CEP164: variants seen among roughly 807,000 people sequenced by gnomAD.
The protein encoded by CEP164 is centrosomal protein 164.
A neutral mutation model predicts 182.7 loss-of-function variants in CEP164; 162 were observed. The observed-to-expected ratio is 0.89, with a 90% CI of 0.78 to 1.01. The LOEUF (loss-of-function observed/expected upper bound fraction) is 1.01, where lower values mean the gene tolerates loss of function less well. Ranked by LOEUF, CEP164 falls within the 50% of genes least tolerant of loss-of-function variation. The pLI is 0.00. For synonymous variants in CEP164, 661 were observed against 690.0 expected, an observed-to-expected ratio of 0.96 and a Z score of 0.66; for missense variants, 1,735 against 1,790.4, an observed-to-expected ratio of 0.97 and a Z score of 0.56.
Position 117,413,202 on chromosome 11 carries a change from A to T in CEP164, c.*1034A>T, listed in dbSNP as rs979755339. On this transcript the variant is annotated 3_prime_UTR_variant, in exon 33 of 33. Coordinates refer to ENST00000278935, the MANE Select transcript of CEP164 (RefSeq NM_014956.5). ...CTCTGGGGTGGGGGCTTTGCAGGGG[A>T]TGCTCTCTGATGTTTGTTCCGTTGT... The T allele has an allele frequency of 6.6e-6, 1 of 151,190 alleles. No individual in the cohort carries two copies. The highest frequency in any genetic ancestry group is 2.4e-5 in the African/African-American group (1 of 41,118). 9.4% of individuals were successfully genotyped at this position (151,190 alleles called of 1,614,324 possible).
chr11:117,351,838 G>A lies in CEP164; in HGVS notation c.243G>A (p.Gln81=). The change falls in exon 5 of 33, where the codon CAG becomes CAA. Residue 81 remains glutamine, a synonymous_variant. Transcript: ENST00000278935. ...DIYYFNFANG[Q]SMWDHPCDEH... Reference sequence around the variant, plus strand: ...ACTATTTCAACTTCGCCAACGGGCAGTCTATGTGGGACCATCCATGTGACG... The same window carrying A: ...ACTATTTCAACTTCGCCAACGGGCAATCTATGTGGGACCATCCATGTGACG... 2 of 1,613,786 alleles carry A rather than the reference G, an allele frequency of 1.2e-6. No individual in the cohort carries two copies. The highest frequency in any genetic ancestry group is 1.7e-6 in the Non-Finnish European group (2 of 1,179,980).
At chr11:117,378,874 G>A (rs1218911920) in intron 11 of CEP164, among the ~76,000 whole-genome samples, 1 of 152,130 alleles carries the variant, frequency 6.6e-6, no homozygotes, top group East Asian at 1.9e-4. Context: ...CCTGTCTGCT[G>A]CCTTTTTTCT....
chr11:117,388,875 C>G lies in CEP164; in HGVS notation c.1934+1463C>G, dbSNP rs544763119. On this transcript the variant is annotated intron_variant, in intron 15 of 32. Transcript: ENST00000278935. ...CCGCCTCCCAGGTTCACGCCATTCT[C>G]CTGCCTCAGCCTCCCAAGTAGCTGG... is the stretch of plus-strand genomic sequence containing the variant. Among the ~76,000 whole-genome samples, 44 of 152,032 alleles carry G rather than the reference C, an allele frequency of 2.9e-4. 3 individuals are homozygous for G. The highest frequency in any genetic ancestry group is 1.1e-3 in the African/African-American group (44 of 41,464).
chr11:117,412,139 C>T lies in CEP164; in HGVS notation c.4354C>T (p.His1452Tyr). ...CCTCCTGCAGCTGGGCCTTGATGAG[C>T]ACAACAGAGTGAAGGTGTATCGCTT... Reference protein sequence around the residue: ...LSLLQLGLDEHNRVKVYRF With the variant: ...LSLLQLGLDEYNRVKVYRF The change falls in exon 33 of 33, where the codon CAC (histidine) becomes TAC (tyrosine). Residue 1452 changes from histidine (H) to tyrosine (Y), a missense_variant. Transcript: ENST00000278935. The T allele has an allele frequency of 6.2e-7, 1 of 1,614,156 alleles. No homozygotes were observed. Among genetic ancestry groups the T allele is most frequent in the Admixed American group, 1.7e-5 (1 of 60,024 alleles).
At position 117,396,073 on chromosome 11, in the gene CEP164, C is replaced by T. The variant is rs2136466034; in HGVS notation, c.3109C>T (p.Gln1037Ter). The change falls in exon 25 of 33, where the codon CAA (glutamine) becomes TAA (stop). Residue 1037 changes from glutamine (Q) to a stop codon, truncating the protein, a stop_gained. Transcript: ENST00000278935. LOFTEE classifies it high-confidence loss of function. ...CCACAGCAGCCTGGAGGCTGAAGCT[C>T]AAAAGAAGCAGCACCTGTTGAGAGA... ...KHFSSLEAEA[Q>*]KKQHLLREVT... 3 of 1,613,990 alleles carry T rather than the reference C, an allele frequency of 1.9e-6. No homozygotes were observed. The highest frequency in any genetic ancestry group is 2.5e-6 in the Non-Finnish European group (3 of 1,179,948).
At chr11:117,356,402 G>A (rs777363664) in intron 5 of CEP164, 1 of 1,208,744 alleles carries the variant, frequency 8.3e-7, no homozygotes, top group Admixed American at 3.0e-5. Context: ...TGAGCACGAG[G>A]CCATCAGAGT....
At position 117,383,959 on chromosome 11, in the gene CEP164, C is replaced by G. The variant is rs531718733; in HGVS notation, c.1724+1017C>G. ...ACAGAGGCAGGAGAATTGCTTGAAC[C>G]TGGGAGGTGGAGGTTGCAGTGAGCC... On this transcript the variant is annotated intron_variant, in intron 14 of 32. Coordinates refer to ENST00000278935, the MANE Select transcript of CEP164 (RefSeq NM_014956.5). Among the ~76,000 whole-genome samples the G allele has an allele frequency of 5.3e-5, 8 of 152,246 alleles. No homozygotes were observed. The East Asian group carries it at 1.5e-3, about 29-fold the overall frequency.
At chr11:117,331,719 G>C (rs1350748622) in intron 1 of CEP164, among the ~76,000 whole-genome samples, 1 of 151,426 alleles carries the variant, frequency 6.6e-6, no homozygotes, top group African/African-American at 2.4e-5. Context: ...AAACTACTGC[G>C]GGTCTTCCTA....
rs187089215 is a variant in CEP164, at chr11:117,377,942, C to T, written c.1317+2151C>T. Among the ~76,000 whole-genome samples the T allele has an allele frequency of 9.7e-4, 148 of 152,192 alleles. 1 individual carries two copies. The South Asian group carries it at 0.015, about 16-fold the overall frequency. The stretch of plus-strand genomic sequence containing the variant: ...TGTCATGATCTTGGCTCACTGCAAC[C>T]TCCATCTCCTGGGTTCAAGCGATTC... On this transcript the variant is annotated intron_variant, in intron 11 of 32. Transcript: ENST00000278935.
intron 27 of CEP164, among the ~76,000 whole-genome samples, chr11:117,403,769 T>A (rs906339103): frequency 2.0e-5 from 3 of 152,148 alleles, no homozygotes; most frequent in Non-Finnish European, 4.4e-5. Flanking sequence ...GATTCCATTC[T>A]CCCCATCACT....
intron 4 of CEP164, among the ~76,000 whole-genome samples, chr11:117,349,164 AG>A (rs1486519536): frequency 6.6e-6 from 1 of 152,106 alleles, no homozygotes; most frequent in Non-Finnish European, 1.5e-5. Flanking sequence ...CTGGGATTAC[AG>A]GCACGTGCCA....
chr11:117,352,596 G>GT (rs954954182), intron 5 of CEP164, among the ~76,000 whole-genome samples: 23 of 151,976 alleles, frequency 1.5e-4, no homozygotes, highest in South Asian at 6.3e-4. Flanking sequence ...CCTTGTTGTT[G>GT]TTTTTTTTGA....
At chr11:117,357,925 C>T (rs1468415173) in intron 5 of CEP164, among the ~76,000 whole-genome samples, 3 of 152,206 alleles carry the variant, frequency 2.0e-5, no homozygotes, top group African/African-American at 7.2e-5. Context: ...CTTGCCCTAT[C>T]ATTCTACCTT....
Position 117,368,323 on chromosome 11 carries a change from T to C in CEP164, c.766-2757T>C, listed in dbSNP as rs56391113. The stretch of plus-strand genomic sequence containing the variant: ...GGAATTGCATGGCAAAGTACTGAGT[T>C]AGTGTGATGTTTATCCACAGGTGGG... On this transcript the variant is annotated intron_variant, in intron 8 of 32. Transcript: ENST00000278935. 4.0e-3 allele frequency among the ~76,000 whole-genome samples: 604 copies of C among 152,278 alleles called. 2 individuals are homozygous for C. The highest frequency in any genetic ancestry group is 0.034 in the Middle Eastern group (10 of 294).
At chr11:117,383,842 G>A (rs1368729447) in intron 14 of CEP164, among the ~76,000 whole-genome samples, 2 of 152,186 alleles carry the variant, frequency 1.3e-5, no homozygotes, top group African/African-American at 4.8e-5. Flanking sequence ...TTTGAGACCA[G>A]CTGGCCAACA....
intron 4 of CEP164, among the ~76,000 whole-genome samples, chr11:117,347,710 C>CA (rs560974958): frequency 0.059 from 6,942 of 117,368 alleles, 186 homozygotes; most frequent in Admixed American, 0.067. Flanking sequence ...AACTCCATCT[C>CA]AAAAAAAAAA....
chr11:117,378,137 G>A (rs1383468741), intron 11 of CEP164, among the ~76,000 whole-genome samples: 1 of 152,026 alleles, frequency 6.6e-6, no homozygotes, highest in African/African-American at 2.4e-5. Flanking sequence ...CCAAAGTGCT[G>A]GGATTACAGG....
chr11:117,392,601 T>TA lies in CEP164; in HGVS notation c.2468dup (p.Tyr823Ter). ...GGAGCACAGAGTTCACCAGAAGTCT[T>TA]ATCACGTGGCTGGGTATGAGCACGA... ...QVEHRVHQKS[Y>*]HVAGYEHELS... The change falls in exon 19 of 33, where the codon TAT becomes TAAT. Residue 823 changes from tyrosine to a stop codon, truncating the protein, a stop_gained and frameshift_variant. Transcript: ENST00000278935. LOFTEE classifies it high-confidence loss of function. The TA allele has an allele frequency of 6.2e-7, 1 of 1,614,128 alleles. No individual in the cohort carries two copies. Among genetic ancestry groups the TA allele is most frequent in the East Asian group, 2.2e-5 (1 of 44,888 alleles).
chr11:117,395,536 T>A lies in CEP164; in HGVS notation c.2914-11T>A, dbSNP rs1382551488. The A allele has an allele frequency of 6.2e-7, 1 of 1,603,280 alleles. No individual in the cohort carries two copies. The highest frequency in any genetic ancestry group is 2.2e-5 in the East Asian group (1 of 44,842). ...GTCTCTGGGTGCTTCTATCTTTCCT[T>A]TTGCCCCTAGGAAGCCACAGCCACC... On this transcript the variant is annotated splice_polypyrimidine_tract_variant and intron_variant, in intron 23 of 32. Coordinates refer to ENST00000278935, the MANE Select transcript of CEP164 (RefSeq NM_014956.5).
Sources: gnomAD v4.1 joint callset for allele counts (sites outside exome capture counted in the v4.1 genomes callset) on GRCh38, gnomAD v4.1.1 for gene constraint, MANE v1.5 for transcripts, NCBI Gene and HGNC (gene_info 2026-07-23, HGNC 2026-07-21) for gene names.